AUTS2: variants seen among roughly 807,000 people sequenced by gnomAD.
AUTS2 encodes the protein autism susceptibility gene 2 protein.
In AUTS2, 17 loss-of-function variants were observed where a neutral mutation model predicts 112.4. The observed-to-expected ratio is 0.15, with a 90% confidence interval of 0.10 to 0.23. The LOEUF (loss-of-function observed/expected upper bound fraction) is 0.23. AUTS2 is among the 10% of genes least tolerant of loss of function. AUTS2 has a pLI of 1.00. For missense variants in AUTS2, 1,510 were observed against 1,701.6 expected, an observed-to-expected ratio of 0.89 and a Z score of 1.98; for synonymous variants, 751 against 702.7, an observed-to-expected ratio of 1.07 and a Z score of -1.09.
At chr7:69,785,433 G>A (rs1271440891) in intron 1 of AUTS2, among the ~76,000 whole-genome samples, 1 of 152,240 alleles carries the variant, frequency 6.6e-6, no homozygotes. Flanking sequence ...CAAAGTAGAT[G>A]TTTGGCTGTT....
At chr7:70,592,225 CT>C (rs1802982416) in intron 5 of AUTS2, among the ~76,000 whole-genome samples, 1 of 152,104 alleles carries the variant, frequency 6.6e-6, no homozygotes, top group South Asian at 2.1e-4. Context: ...CTTCTCTTAA[CT>C]TTTTGTCGTG....
chr7:69,938,686 G>A (rs1405327446), intron 2 of AUTS2, among the ~76,000 whole-genome samples: 1 of 152,204 alleles, frequency 6.6e-6, no homozygotes, highest in Non-Finnish European at 1.5e-5. Flanking sequence ...GAGAGGGGAT[G>A]GAGTATGTAG....
intron 2 of AUTS2, among the ~76,000 whole-genome samples, chr7:69,930,191 T>C (rs1050311172): frequency 1.3e-5 from 2 of 152,172 alleles, no homozygotes; most frequent in Non-Finnish European, 2.9e-5. Context: ...TCCCAAGAAA[T>C]GTTCTCTATA....
At chr7:70,339,423 T>A (rs1791154723) in intron 4 of AUTS2, among the ~76,000 whole-genome samples, 1 of 152,196 alleles carries the variant, frequency 6.6e-6, no homozygotes, top group Admixed American at 6.5e-5. Flanking sequence ...ATATAAGTAA[T>A]ACTCTCTTTT....
intron 2 of AUTS2, among the ~76,000 whole-genome samples, chr7:69,937,770 T>C (rs1796473202): frequency 6.6e-6 from 1 of 152,192 alleles, no homozygotes; most frequent in African/African-American, 2.4e-5. Flanking sequence ...ATGCCAGCTG[T>C]TAGTTTGAGA....
At chr7:70,116,358 A>G (rs953485246) in intron 2 of AUTS2, among the ~76,000 whole-genome samples, 3 of 152,178 alleles carry the variant, frequency 2.0e-5, no homozygotes, top group Non-Finnish European at 4.4e-5. Context: ...GACTCTGTGA[A>G]TGGTATAACC....
intron 5 of AUTS2, among the ~76,000 whole-genome samples, chr7:70,636,458 G>A (rs1805537365): frequency 6.6e-6 from 1 of 152,094 alleles, no homozygotes; most frequent in Admixed American, 6.5e-5. Context: ...TGGCAGCCAT[G>A]GCAAGGTGGA....
At chr7:70,167,162 G>T (rs149796553) in intron 4 of AUTS2, among the ~76,000 whole-genome samples, 2,180 of 152,216 alleles carry the variant, frequency 0.014, 21 homozygotes, top group Middle Eastern at 0.037. Flanking sequence ...GGAGGTAGAG[G>T]TTGCAGTGAG....
chr7:69,627,992 G>C (rs984202331), intron 1 of AUTS2, among the ~76,000 whole-genome samples: 3 of 152,224 alleles, frequency 2.0e-5, no homozygotes, highest in Non-Finnish European at 4.4e-5. Context: ...TTGATTGAAT[G>C]ATGAGGAGCG....
At chr7:70,204,917 A>G (rs1038302806) in intron 4 of AUTS2, among the ~76,000 whole-genome samples, 18 of 152,068 alleles carry the variant, frequency 1.2e-4, no homozygotes, top group African/African-American at 3.6e-4. Flanking sequence ...CAAGACTAAT[A>G]CTTTAAAATT....
chr7:69,617,411 T>C (rs145660620), intron 1 of AUTS2, among the ~76,000 whole-genome samples: 4 of 152,106 alleles, frequency 2.6e-5, no homozygotes, highest in African/African-American at 9.7e-5. Context: ...GAAATACAGA[T>C]AACCCGGAGG....
intron 6 of AUTS2, among the ~76,000 whole-genome samples, chr7:70,734,650 C>T (rs1304576188): frequency 6.6e-6 from 1 of 152,014 alleles, no homozygotes; most frequent in Non-Finnish European, 1.5e-5. Flanking sequence ...ATGTTGGGCA[C>T]TGAATAGATT....
chr7:70,370,032 C>T lies in AUTS2; in HGVS notation c.661-65720C>T, dbSNP rs548686363. 1.4e-3 allele frequency among the ~76,000 whole-genome samples: 207 copies of T among 152,306 alleles called. 1 individual carries two copies. Among genetic ancestry groups the T allele is most frequent in the Non-Finnish European group, 2.4e-3 (160 of 68,020 alleles). On this transcript the variant is annotated intron_variant, in intron 4 of 18. Transcript: ENST00000342771. Reference sequence around the variant, plus strand: ...AACAGGCAACATTTAGGAGTGCAGCCTAGCACCTTGCAAGGGCTGTGACCA... The same window carrying T: ...AACAGGCAACATTTAGGAGTGCAGCTTAGCACCTTGCAAGGGCTGTGACCA...
intron 1 of AUTS2, among the ~76,000 whole-genome samples, chr7:69,804,124 G>T: frequency 6.6e-6 from 1 of 152,300 alleles, no homozygotes; most frequent in Middle Eastern, 3.4e-3. Flanking sequence ...AATGTAGATT[G>T]TGATGTCCCT....
chr7:70,712,198 T>C (rs1810095974), intron 6 of AUTS2, among the ~76,000 whole-genome samples: 1 of 90,232 alleles, frequency 1.1e-5, no homozygotes, highest in Non-Finnish European at 2.3e-5. Flanking sequence ...GCTCACTTTT[T>C]TTTTTTTTTT....
chr7:70,114,558 C>T (rs1562707609), intron 2 of AUTS2, among the ~76,000 whole-genome samples: 2 of 151,990 alleles, frequency 1.3e-5, no homozygotes, highest in South Asian at 2.1e-4. Context: ...TTTGGGAGGC[C>T]GAGGTGGGCA....
intron 2 of AUTS2, among the ~76,000 whole-genome samples, chr7:70,049,429 A>G (rs1319583869): frequency 1.3e-5 from 2 of 151,890 alleles, no homozygotes; most frequent in African/African-American, 4.8e-5. Flanking sequence ...TCCCAGGTTC[A>G]AGTGATTCTC....
intron 1 of AUTS2, among the ~76,000 whole-genome samples, chr7:69,639,694 G>T (rs1329837303): frequency 6.6e-6 from 1 of 152,234 alleles, no homozygotes; most frequent in Non-Finnish European, 1.5e-5. Flanking sequence ...TTTCCTGGAT[G>T]CCCAGGTCAT....
intron 2 of AUTS2, among the ~76,000 whole-genome samples, chr7:70,038,616 T>C (rs1801111838): frequency 6.6e-6 from 1 of 152,098 alleles, no homozygotes; most frequent in Admixed American, 6.6e-5. Context: ...CCTGCCACCA[T>C]TTATCATAAA....
Sources: allele counts gnomAD v4.1 joint callset (sites outside exome capture counted in the v4.1 genomes callset), GRCh38; gene constraint gnomAD v4.1.1; transcripts MANE v1.5; gene names NCBI Gene and HGNC (gene_info 2026-07-23, HGNC 2026-07-21).